EML1: variants seen among roughly 807,000 people sequenced by gnomAD.
EML1 encodes the protein EMAP like 1.
Under a neutral mutation model 110.4 loss-of-function variants are expected in EML1, and 27 were observed. The observed-to-expected ratio is 0.24, with a 90% confidence interval of 0.18 to 0.34. The LOEUF is 0.34. Ranked by LOEUF, EML1 falls within the 10% of genes least tolerant of loss-of-function variation. The pLI, the probability that EML1 is intolerant of heterozygous loss-of-function variation, is 1.00. For synonymous variants in EML1, 344 were observed against 385.8 expected (o/e 0.89, Z 1.27); for missense variants, 741 against 1,030.9 (o/e 0.72, Z 3.85).
intron 17 of EML1, among the ~76,000 whole-genome samples, chr14:99,925,592 G>T (rs1224367128): frequency 6.6e-6 from 1 of 152,192 alleles, no homozygotes; most frequent in Non-Finnish European, 1.5e-5. Context: ...ATTGGGCAGA[G>T]GTTATGCACA....
At chr14:99,737,882 AC>A (rs2056987960) in intron 1 of EML1, 1 of 1,287,828 alleles carries the variant, frequency 7.8e-7, no homozygotes, top group Non-Finnish European at 1.0e-6. Context: ...CGCTATATTT[AC>A]CCGCTGTGGC....
At chr14:99,812,434 C>T (rs1416049498) in intron 1 of EML1, among the ~76,000 whole-genome samples, 1 of 151,846 alleles carries the variant, frequency 6.6e-6, no homozygotes, top group Non-Finnish European at 1.5e-5. Flanking sequence ...ATCCAGGTGA[C>T]GATGCTTTTT....
intron 1 of EML1, among the ~76,000 whole-genome samples, chr14:99,841,441 G>A (rs1026389670): frequency 2.0e-5 from 3 of 152,192 alleles, no homozygotes; most frequent in Non-Finnish European, 4.4e-5. Flanking sequence ...AGGAACGTCA[G>A]AAGGCAGGTG....
chr14:99,797,660 T>G (rs2057800201), intron 1 of EML1, among the ~76,000 whole-genome samples: 1 of 152,174 alleles, frequency 6.6e-6, no homozygotes, highest in African/African-American at 2.4e-5. Context: ...TTTCCATGAG[T>G]CCTTTGGATC....
In EML1 at chr14:99,832,999, G is replaced by A. The variant is rs570517246; in HGVS notation, c.68-17854G>A. ...GGGGTATGATTGATTCTGACACCCA[G>A]GTAGTGAGCATAGTACTCAATAAGT... On this transcript the variant is annotated intron_variant, in intron 1 of 21. Coordinates refer to ENST00000262233, the MANE Select transcript of EML1 (RefSeq NM_004434.3). 6.6e-5 allele frequency among the ~76,000 whole-genome samples: 10 copies of A among 152,276 alleles called. No individual in the cohort carries two copies. In the East Asian group the frequency reaches 1.7e-3, roughly 26 times the overall value.
chr14:99,887,227 G>A (rs1253680451), intron 4 of EML1, among the ~76,000 whole-genome samples: 5 of 152,132 alleles, frequency 3.3e-5, no homozygotes, highest in Admixed American at 1.3e-4. Context: ...ATCAGCTCTC[G>A]AACCATTCAG....
chr14:99,836,789 A>C (rs915757093), intron 1 of EML1, among the ~76,000 whole-genome samples: 1 of 152,026 alleles, frequency 6.6e-6, no homozygotes, highest in African/African-American at 2.4e-5. Context: ...TACTGGGGGT[A>C]GTTACTTGGA....
At chr14:99,893,632 C>G (rs1193170007) in intron 5 of EML1, among the ~76,000 whole-genome samples, 1 of 152,206 alleles carries the variant, frequency 6.6e-6, no homozygotes, top group Non-Finnish European at 1.5e-5. Flanking sequence ...CTAACTTGTA[C>G]TATAATTATT....
At chr14:99,908,884 C>T (rs2059901030) in intron 10 of EML1, among the ~76,000 whole-genome samples, 1 of 152,192 alleles carries the variant, frequency 6.6e-6, no homozygotes, top group Non-Finnish European at 1.5e-5. Context: ...CTGGAGATGA[C>T]ATTTACCAGA....
intron 1 of EML1, among the ~76,000 whole-genome samples, chr14:99,834,549 G>A (rs1240117050): frequency 4.6e-5 from 7 of 152,138 alleles, no homozygotes; most frequent in African/African-American, 1.2e-4. Flanking sequence ...TTATGCACCC[G>A]TGGCCTCCCA....
At chr14:99,770,189 T>C (rs2057408825), upstream of EML1, among the ~76,000 whole-genome samples, 1 of 152,164 alleles carries the variant, frequency 6.6e-6, no homozygotes, top group South Asian at 2.1e-4. Context: ...ACTTGGTGGA[T>C]AAAACAAGAG....
intron 1 of EML1, chr14:99,737,987 C>CCCCAGGCGTCGGGCAAGGA: frequency 9.8e-7 from 1 of 1,017,456 alleles, no homozygotes; most frequent in Non-Finnish European, 1.3e-6. Flanking sequence ...CCTCCTTGCC[C>CCCCAGGCGTCGGGCAAGGA]GACGCCTGGG....
chr14:99,831,278 C>G (rs141119413), intron 1 of EML1, among the ~76,000 whole-genome samples: 1 of 151,806 alleles, frequency 6.6e-6, no homozygotes, highest in African/African-American at 2.4e-5. Flanking sequence ...CTGAATATTC[C>G]GCAAAATGAT....
chr14:99,812,860 C>A (rs963933607), intron 1 of EML1, among the ~76,000 whole-genome samples: 1 of 152,178 alleles, frequency 6.6e-6, no homozygotes, highest in African/African-American at 2.4e-5. Flanking sequence ...GTTTTAAAAG[C>A]AAGTAAACAG....
chr14:99,835,473 T>C (rs150207733), intron 1 of EML1, among the ~76,000 whole-genome samples: 3 of 152,326 alleles, frequency 2.0e-5, no homozygotes, highest in Non-Finnish European at 4.4e-5. Flanking sequence ...TTTGCTCTAA[T>C]GTATATTGCT....
intron 1 of EML1, among the ~76,000 whole-genome samples, chr14:99,751,292 G>A (rs1475588616): frequency 6.6e-6 from 1 of 152,086 alleles, no homozygotes; most frequent in Non-Finnish European, 1.5e-5. Flanking sequence ...TCCTGGAGGA[G>A]TAGCCCTGAG....
chr14:99,854,986 G>A (rs777741016), intron 2 of EML1, among the ~76,000 whole-genome samples: 6 of 152,114 alleles, frequency 3.9e-5, no homozygotes, highest in Non-Finnish European at 7.4e-5. Flanking sequence ...TGTGCGCAAC[G>A]GAGAAAAACT....
chr14:99,930,638 T>C (rs551619697), intron 17 of EML1, among the ~76,000 whole-genome samples: 1 of 152,332 alleles, frequency 6.6e-6, no homozygotes, highest in Admixed American at 6.5e-5. Context: ...GCTTATTAAA[T>C]ACAGAAGCTT....
At chr14:99,870,710 A>G (rs1462494774) in intron 3 of EML1, among the ~76,000 whole-genome samples, 1 of 152,210 alleles carries the variant, frequency 6.6e-6, no homozygotes, top group Non-Finnish European at 1.5e-5. Context: ...TAAATGGAAG[A>G]AAACCTAGAT....
Sources: allele counts gnomAD v4.1 joint callset (sites outside exome capture counted in the v4.1 genomes callset), GRCh38; gene constraint gnomAD v4.1.1; transcripts MANE v1.5; gene names NCBI Gene and HGNC (gene_info 2026-07-23, HGNC 2026-07-21).